FGD4: variants seen among roughly 807,000 people sequenced by gnomAD.
FGD4 encodes FYVE, RhoGEF and PH domain containing 4.
Under a neutral mutation model 102.0 loss-of-function variants are expected in FGD4, and 42 were observed. The ratio of observed to expected loss-of-function variants is 0.41; its 90% confidence interval spans 0.32 to 0.53. FGD4 has a LOEUF of 0.53. Among genes scored for constraint, FGD4 ranks in the 20% least tolerant of loss-of-function variants. The pLI is 0.21. For synonymous variants in FGD4, 380 were observed against 375.7 expected, an observed-to-expected ratio of 1.01 and a Z score of -0.13; for missense variants, 902 against 1,078.2, an observed-to-expected ratio of 0.84 and a Z score of 2.29.
In FGD4 at chr12:32,582,460, A is replaced by T. The variant is rs1304257221; in HGVS notation, c.1004A>T (p.Glu335Val). 1.2e-6 allele frequency: 2 copies of T among 1,609,752 alleles called. No individual in the cohort carries two copies. The highest frequency in any genetic ancestry group is 2.2e-5 in the South Asian group (2 of 91,086). The change falls in exon 4 of 17, where the codon GAG becomes GTG. Residue 335 changes from glutamate to valine, a missense_variant. Transcript: ENST00000534526. ...LELEQLDQHH[E>V]MKETNEQKLH... ...CTGGAGCAGCTGGACCAGCACCATG[A>T]GATGAAGGTAGAGCATGAGACTAGC...
intron 4 of FGD4, among the ~76,000 whole-genome samples, chr12:32,596,347 G>C (rs1291103694): frequency 6.6e-6 from 1 of 152,200 alleles, no homozygotes; most frequent in African/African-American, 2.4e-5. Flanking sequence ...CAGGCAGAGA[G>C]GATGGAAAGA....
At chr12:32,593,094 G>T (rs933589026) in intron 4 of FGD4, among the ~76,000 whole-genome samples, 1 of 152,152 alleles carries the variant, frequency 6.6e-6, no homozygotes, top group Non-Finnish European at 1.5e-5. Context: ...GTGACCTTGG[G>T]TAAGTAACCT....
intron 1 of FGD4, among the ~76,000 whole-genome samples, chr12:32,527,130 G>A (rs7980242): frequency 0.4 from 60,751 of 151,976 alleles, 12,682 homozygotes; most frequent in Middle Eastern, 0.61. Context: ...ATATCTGGTA[G>A]TCTATCCAAA....
chr12:32,452,139 T>G (rs1942796772), intron 1 of FGD4, among the ~76,000 whole-genome samples: 1 of 152,242 alleles, frequency 6.6e-6, no homozygotes. Flanking sequence ...CTTCTTTACA[T>G]TTCCTTTTGT....
intron 1 of FGD4, among the ~76,000 whole-genome samples, chr12:32,426,025 T>A (rs1941816298): frequency 6.6e-6 from 1 of 152,222 alleles, no homozygotes; most frequent in Non-Finnish European, 1.5e-5. Context: ...ACAATTTGAC[T>A]TCCTCTCTTC....
chr12:32,464,087 G>GTTT (rs1943182372), intron 1 of FGD4, among the ~76,000 whole-genome samples: 1 of 152,084 alleles, frequency 6.6e-6, no homozygotes, highest in Non-Finnish European at 1.5e-5. Context: ...TGTTTGCTAA[G>GTTT]CACTTATTTG....
At chr12:32,628,882 T>C (rs1323124449) in intron 14 of FGD4, among the ~76,000 whole-genome samples, 1 of 152,032 alleles carries the variant, frequency 6.6e-6, no homozygotes, top group East Asian at 1.9e-4. Context: ...AACAGGAAAG[T>C]GGGGCATGAC....
chr12:32,596,039 T>C (rs750724001), intron 4 of FGD4, among the ~76,000 whole-genome samples: 1 of 152,242 alleles, frequency 6.6e-6, no homozygotes, highest in Non-Finnish European at 1.5e-5. Flanking sequence ...GTTTAAAATA[T>C]AGTATTTATA....
chr12:32,435,170 C>A (rs1319457488), intron 1 of FGD4, among the ~76,000 whole-genome samples: 2 of 152,016 alleles, frequency 1.3e-5, no homozygotes, highest in South Asian at 4.1e-4. Context: ...CTCGAACTCC[C>A]GACTTCAGGT....
intron 1 of FGD4, among the ~76,000 whole-genome samples, chr12:32,509,260 G>A (rs73091993): frequency 0.31 from 27,840 of 90,030 alleles, 3,145 homozygotes; most frequent in Middle Eastern, 0.49. Context: ...TTTTTTTTTT[G>A]AGTTAGCCAT....
At chr12:32,611,318 T>A (rs1949119824) in intron 10 of FGD4, 35 bp downstream of exon 10, 5 of 1,612,684 alleles carry the variant, frequency 3.1e-6, no homozygotes, top group Non-Finnish European at 4.2e-6. Flanking sequence ...CATATAAGAA[T>A]TATATATAAA....
At chr12:32,405,265 T>G (rs1179335697) in intron 1 of FGD4, among the ~76,000 whole-genome samples, 1 of 143,872 alleles carries the variant, frequency 7.0e-6, no homozygotes, top group Admixed American at 7.1e-5. Flanking sequence ...TCAGTGGTTT[T>G]TTTTTTTTTT....
At chr12:32,404,640 G>A (rs1244568747) in intron 1 of FGD4, among the ~76,000 whole-genome samples, 1 of 152,072 alleles carries the variant, frequency 6.6e-6, no homozygotes, top group African/African-American at 2.4e-5. Context: ...AGGGCTTTGA[G>A]TGGCCCAACG....
chr12:32,588,706 A>G (rs1054398049), intron 4 of FGD4, among the ~76,000 whole-genome samples: 1 of 152,216 alleles, frequency 6.6e-6, no homozygotes, highest in Non-Finnish European at 1.5e-5. Flanking sequence ...AGTGGCCTGG[A>G]ATTCAAGAAA....
At chr12:32,438,648 C>T (rs945535689) in intron 1 of FGD4, among the ~76,000 whole-genome samples, 8 of 150,194 alleles carry the variant, frequency 5.3e-5, no homozygotes, top group Non-Finnish European at 1.0e-4. Context: ...CTCGCTCTGT[C>T]ACCCAGGCTG....
chr12:32,477,550 C>G (rs1163308479), intron 1 of FGD4: 1 of 152,288 alleles, frequency 6.6e-6, no homozygotes, highest in Non-Finnish European at 1.5e-5. Flanking sequence ...GAGTAACACT[C>G]TCCAGCACCA....
At chr12:32,499,328 G>A (rs184464490) in intron 1 of FGD4, among the ~76,000 whole-genome samples, 45 of 152,262 alleles carry the variant, frequency 3.0e-4, no homozygotes, top group African/African-American at 1.0e-3. Flanking sequence ...ATTAGATTCC[G>A]GGCAGTGTGG....
chr12:32,475,651 T>A (rs1943566041), intron 1 of FGD4, among the ~76,000 whole-genome samples: 1 of 152,164 alleles, frequency 6.6e-6, no homozygotes, highest in Admixed American at 6.5e-5. Flanking sequence ...AATCTAGGTT[T>A]TAATAAAATC....
At chr12:32,523,700 TG>T (rs1940786314) in intron 1 of FGD4, among the ~76,000 whole-genome samples, 1 of 152,198 alleles carries the variant, frequency 6.6e-6, no homozygotes, top group African/African-American at 2.4e-5. Flanking sequence ...CTGGGCCGGG[TG>T]CGGTGGCTCA....
Sources: allele counts gnomAD v4.1 joint callset (sites outside exome capture counted in the v4.1 genomes callset), GRCh38; gene constraint gnomAD v4.1.1; transcripts MANE v1.5; gene names NCBI Gene and HGNC (gene_info 2026-07-23, HGNC 2026-07-21).